AKAP8: variants seen among roughly 807,000 people sequenced by gnomAD.
The protein encoded by AKAP8 is A-kinase anchor protein 8.
Under a neutral mutation model 67.5 loss-of-function variants are expected in AKAP8, and 24 were observed. That is an observed-to-expected ratio of 0.36 (90% CI 0.26 to 0.50). AKAP8 has a LOEUF of 0.50. Among genes scored for constraint, AKAP8 ranks in the 20% least tolerant of loss-of-function variants. The pLI, the probability that AKAP8 is intolerant of heterozygous loss-of-function variation, is 0.97. For synonymous variants in AKAP8, 400 were observed against 371.1 expected (o/e 1.08, Z -0.90); for missense variants, 971 against 955.9 (o/e 1.02, Z -0.21).
At chr19:15,368,210 G>C (rs201909006) in intron 9 of AKAP8, 25 bp downstream of exon 9, 251 of 1,608,846 alleles carry the variant, frequency 1.6e-4, no homozygotes, top group Admixed American at 1.0e-3. Flanking sequence ...ACCTCCTCCT[G>C]TGGGGTCGTG....
intron 13 of AKAP8, 69 bp from the exon 14 acceptor site, chr19:15,355,439 G>C: frequency 6.9e-7 from 1 of 1,446,312 alleles, no homozygotes. Flanking sequence ...TTGCGGGGAT[G>C]TCAGCTTTTC....
At chr19:15,377,634 A>G (rs1967276440) in intron 1 of AKAP8, among the ~76,000 whole-genome samples, 1 of 152,014 alleles carries the variant, frequency 6.6e-6, no homozygotes, top group Admixed American at 6.6e-5. Flanking sequence ...ACGCCCGCCT[A>G]ATTTTTTGTG....
chr19:15,366,644 T>C (rs1455824281), intron 9 of AKAP8, among the ~76,000 whole-genome samples: 1 of 152,076 alleles, frequency 6.6e-6, no homozygotes, highest in Non-Finnish European at 1.5e-5. Context: ...AGTTTCGCTC[T>C]TGTTGCCCAG....
intron 9 of AKAP8, 107 bp from the exon 10 acceptor site, chr19:15,362,358 GCT>G (rs1227650146): frequency 8.9e-6 from 11 of 1,229,904 alleles, no homozygotes; most frequent in Non-Finnish European, 6.8e-6. Context: ...AGGATTTTCA[GCT>G]CTCCCCCTCC....
At chr19:15,379,614 G>A (rs1201902968) in intron 1 of AKAP8, 99 bp downstream of exon 1, 12 of 1,426,310 alleles carry the variant, frequency 8.4e-6, no homozygotes, top group African/African-American at 1.5e-5. Flanking sequence ...GGGCAACCAC[G>A]CTCGGGACGA....
rs749339985 is a variant in AKAP8 at position 15,369,641 on chromosome 19, G to A, written c.1072+505C>T. 2.6e-5 allele frequency among the ~76,000 whole-genome samples: 4 copies of A among 152,206 alleles called. No individual in the cohort carries two copies. Among genetic ancestry groups the A allele is most frequent in the Non-Finnish European group, 4.4e-5 (3 of 68,028 alleles). The stretch of plus-strand genomic sequence containing the variant: ...AGACCCAGTGGGCCTGGGTGCTCCC[G>A]ACCCCGCAGGTGTCTGCTGTCACAC... On this transcript the variant is annotated intron_variant, in intron 8 of 13. Coordinates refer to ENST00000269701, the MANE Select transcript of AKAP8 (RefSeq NM_005858.4). This position sits in a 1 kb window ranked among gnomAD's most constrained non-coding sequence, Gnocchi z 4.6.
At position 15,373,308 on chromosome 19, in the gene AKAP8, T is replaced by A; in HGVS notation, c.404A>T (p.Asp135Val). ...SFRFQPFESY[D>V]SRPCLPEHNP... ...GTGCTCCGGCAGGCAGGGCCTGGAG[T>A]CATAGGACTCGAACGGCTGGAAGCG... The change falls in exon 5 of 14, where the codon GAC becomes GTC. Residue 135 changes from aspartate to valine, a missense_variant. Asp to Val is a radical substitution (Grantham distance 152). Coordinates refer to ENST00000269701, the MANE Select transcript of AKAP8 (RefSeq NM_005858.4). 6.2e-7 allele frequency: 1 copy of A among 1,612,122 alleles called. No homozygotes were observed. Among genetic ancestry groups the A allele is most frequent in the Non-Finnish European group, 8.5e-7 (1 of 1,179,298 alleles).
At chr19:15,359,130 G>C in intron 12 of AKAP8, 68 bp from the exon 13 acceptor site, 1 of 1,419,208 alleles carries the variant, frequency 7.0e-7, no homozygotes, top group Non-Finnish European at 9.9e-7. Flanking sequence ...AACCAGCCAG[G>C]CTCTGCCGAG....
At chr19:15,374,187 G>T in intron 3 of AKAP8, 122 bp from the exon 4 acceptor site, 1 of 1,193,874 alleles carries the variant, frequency 8.4e-7, no homozygotes, top group Non-Finnish European at 1.1e-6. Flanking sequence ...ACCCAGTGCT[G>T]CTGGCATCAC....
chr19:15,357,157 C>T (rs987790255), intron 13 of AKAP8, among the ~76,000 whole-genome samples: 1 of 151,548 alleles, frequency 6.6e-6, no homozygotes, highest in Non-Finnish European at 1.5e-5. Flanking sequence ...GATGGGGTTT[C>T]ACCATCTTGG....
chr19:15,362,090 G>A lies in AKAP8; in HGVS notation c.1302+20C>T, dbSNP rs373798694. 49 of 1,612,550 alleles carry A rather than the reference G, an allele frequency of 3.0e-5. 1 individual carries two copies. The highest frequency in any genetic ancestry group is 5.3e-5 in the African/African-American group (4 of 74,806). On this transcript the variant is annotated intron_variant, in intron 10 of 13. Transcript: ENST00000269701. ...CGGGATGGGCAAGAGACGCGGTGAC[G>A]GGGCCCAGGTTTCCTTTACCTGGAG...
chr19:15,372,212 A>G lies in AKAP8; in HGVS notation c.991+6T>C. On this transcript the variant is annotated splice_donor_region_variant and intron_variant, in intron 6 of 13. Transcript: ENST00000269701. The stretch of plus-strand genomic sequence containing the variant: ...CTGTCTGGCCCACCTGGCCCCCAGG[A>G]CATACCATTTTCGGAGAAATCTCCT... 1 of 1,614,136 alleles carries G rather than the reference A, an allele frequency of 6.2e-7. No individual in the cohort carries two copies. The highest frequency in any genetic ancestry group is 8.5e-7 in the Non-Finnish European group (1 of 1,180,024).
At chr19:15,361,429 C>A in intron 11 of AKAP8, 1 of 298,606 alleles carries the variant, frequency 3.3e-6, no homozygotes, top group Admixed American at 4.8e-5. Context: ...TGGCTCACTG[C>A]AAGCTCTGAC....
chr19:15,362,571 G>T (rs1293923455), intron 9 of AKAP8, among the ~76,000 whole-genome samples: 1 of 151,686 alleles, frequency 6.6e-6, no homozygotes, highest in Non-Finnish European at 1.5e-5. Context: ...TGTTGGCCGG[G>T]CTGGTCTCCA....
In AKAP8 at chr19:15,368,129, C is replaced by T. The variant is rs567356513; in HGVS notation, c.1160+106G>A. 8 of 1,478,282 alleles carry T rather than the reference C, an allele frequency of 5.4e-6. No homozygotes were observed. In the Admixed American group the frequency reaches 1.3e-4, roughly 24 times the overall value. The allele number at this position is 1,478,282 out of a possible 1,614,324, so 91.6% of individuals were successfully genotyped here. ...CTCCCACTGGTTTGGCCAGAGGAGT[C>T]AGGCCACCAGGCCCCCAGCATTGTG... On this transcript the variant is annotated intron_variant, in intron 9 of 13. Transcript: ENST00000269701.
intron 2 of AKAP8, among the ~76,000 whole-genome samples, chr19:15,375,777 C>T (rs1273618861): frequency 6.6e-6 from 1 of 151,958 alleles, no homozygotes; most frequent in Non-Finnish European, 1.5e-5. Context: ...GCTGGGACTA[C>T]AGGCGCCCGC....
chr19:15,374,730 G>T, intron 2 of AKAP8, 95 bp from the exon 3 acceptor site: 1 of 1,462,840 alleles, frequency 6.8e-7, no homozygotes, highest in East Asian at 2.3e-5. Flanking sequence ...CAGCCCCAGG[G>T]CCAGGGCTTC....
intron 1 of AKAP8, 74 bp from the exon 2 acceptor site, chr19:15,377,088 A>C: frequency 1.3e-6 from 2 of 1,525,074 alleles, no homozygotes; most frequent in Admixed American, 3.8e-5. Flanking sequence ...GTACTCCTAA[A>C]GGGATCTCCT....
At chr19:15,375,433 G>A (rs184566690) in intron 2 of AKAP8, among the ~76,000 whole-genome samples, 63 of 152,228 alleles carry the variant, frequency 4.1e-4, no homozygotes, top group Non-Finnish European at 6.5e-4. Flanking sequence ...AGCTAAGGAT[G>A]AATTTTACGT....
Sources: gnomAD v4.1 joint callset for allele counts (sites outside exome capture counted in the v4.1 genomes callset) on GRCh38, gnomAD v4.1.1 for gene constraint, Gnocchi (gnomAD v3.1) non-coding constraint, MANE v1.5 for transcripts, NCBI Gene and HGNC (gene_info 2026-07-23, HGNC 2026-07-21) for gene names.